BRINP3: variants seen among roughly 807,000 people sequenced by gnomAD.
BRINP3 encodes the protein BMP/retinoic acid inducible neural specific 3.
BRINP3 carries 19 observed loss-of-function variants against 71.0 expected under a neutral mutation model. The ratio of observed to expected loss-of-function variants is 0.27; its 90% CI spans 0.19 to 0.39. The LOEUF is 0.39. Among genes scored for constraint, BRINP3 ranks in the 10% least tolerant of loss-of-function variants. The pLI is 1.00. For missense variants in BRINP3, 959 were observed against 940.8 expected (o/e 1.02, Z -0.25); for synonymous variants, 380 against 337.7 (o/e 1.13, Z -1.37).
intron 2 of BRINP3, among the ~76,000 whole-genome samples, chr1:190,322,630 A>G (rs1666320414): frequency 6.6e-6 from 1 of 152,052 alleles, no homozygotes; most frequent in African/African-American, 2.4e-5. Flanking sequence ...AGGACCAGAA[A>G]TGGTTTGACA....
chr1:190,471,005 G>GGCTTATAAAGTAA, intron 1 of BRINP3, among the ~76,000 whole-genome samples: 1 of 150,920 alleles, frequency 6.6e-6, no homozygotes, highest in Non-Finnish European at 1.5e-5. Context: ...GTGGATTAAA[G>GGCTTATAAAGTAA]GCTTATAAAG....
At chr1:190,298,474 TTC>T (rs1479532012) in intron 2 of BRINP3, among the ~76,000 whole-genome samples, 1 of 152,102 alleles carries the variant, frequency 6.6e-6, no homozygotes, top group Non-Finnish European at 1.5e-5. Flanking sequence ...TGCTATACAT[TTC>T]TCTCTCAGCA....
chr1:190,333,488 A>T (rs1447917974), intron 2 of BRINP3, among the ~76,000 whole-genome samples: 1 of 152,010 alleles, frequency 6.6e-6, no homozygotes, highest in Admixed American at 6.6e-5. Context: ...CATCTTAATA[A>T]CATCAAACTA....
chr1:190,308,359 ATTG>A (rs767439584), intron 2 of BRINP3, among the ~76,000 whole-genome samples: 57 of 151,888 alleles, frequency 3.8e-4, no homozygotes, highest in African/African-American at 1.4e-3. Flanking sequence ...TTGTGTAAGT[ATTG>A]TTGTTCTTGC....
chr1:190,137,756 A>G (rs1395452220), intron 7 of BRINP3, among the ~76,000 whole-genome samples: 3 of 152,182 alleles, frequency 2.0e-5, no homozygotes, highest in Non-Finnish European at 4.4e-5. Flanking sequence ...TAAAGAGTGG[A>G]TGATATTAGA....
chr1:190,209,054 T>C (rs1655760667), intron 6 of BRINP3, among the ~76,000 whole-genome samples: 1 of 152,138 alleles, frequency 6.6e-6, no homozygotes, highest in Admixed American at 6.6e-5. Context: ...GAAAATACAG[T>C]AAATATTTAC....
intron 7 of BRINP3, among the ~76,000 whole-genome samples, chr1:190,102,123 T>C (rs1651757209): frequency 6.6e-6 from 1 of 152,144 alleles, no homozygotes; most frequent in East Asian, 1.9e-4. Flanking sequence ...TGCTACATTC[T>C]ACAAGGAGGA....
intron 6 of BRINP3, among the ~76,000 whole-genome samples, chr1:190,200,471 C>T (rs886125224): frequency 6.6e-6 from 1 of 152,058 alleles, no homozygotes; most frequent in African/African-American, 2.4e-5. Context: ...GTCAAAGAAC[C>T]TCACTAGGAA....
chr1:190,405,467 AAAAAAAAAAAAAAAAAAAAAAAAAAC>A (rs1378727239), intron 2 of BRINP3, among the ~76,000 whole-genome samples: 1,342 of 97,828 alleles, frequency 0.014, 65 homozygotes, highest in African/African-American at 0.053. Context: ...AAAAAAAAAA[AAAAAAAAAAAAAAAAAAAAAAAAAAC>A]CAGAATCAGA....
chr1:190,447,529 C>T (rs1019125298), intron 2 of BRINP3, among the ~76,000 whole-genome samples: 11 of 146,266 alleles, frequency 7.5e-5, no homozygotes, highest in African/African-American at 2.5e-4. Flanking sequence ...CACTTTTGCA[C>T]TATATATATA....
At chr1:190,451,552 G>A (rs1675608151) in intron 2 of BRINP3, among the ~76,000 whole-genome samples, 1 of 151,520 alleles carries the variant, frequency 6.6e-6, no homozygotes, top group African/African-American at 2.4e-5. Context: ...CTCACTTTCT[G>A]AAACTAAAAA....
chr1:190,433,989 A>C (rs1674281239), intron 2 of BRINP3, among the ~76,000 whole-genome samples: 1 of 152,164 alleles, frequency 6.6e-6, no homozygotes, highest in Non-Finnish European at 1.5e-5. Flanking sequence ...TTTGGTTAAA[A>C]ATTATAACTA....
At chr1:190,406,789 T>C (rs1436305914) in intron 2 of BRINP3, among the ~76,000 whole-genome samples, 1 of 151,898 alleles carries the variant, frequency 6.6e-6, no homozygotes, top group African/African-American at 2.4e-5. Flanking sequence ...GAATTTCAAA[T>C]AAATAATTAT....
chr1:190,147,886 C>T (rs1309673071), intron 7 of BRINP3, among the ~76,000 whole-genome samples: 1 of 152,120 alleles, frequency 6.6e-6, no homozygotes, highest in Non-Finnish European at 1.5e-5. Flanking sequence ...AGGTTACTTC[C>T]ATCTAGAAAT....
chr1:190,121,566 C>G (rs986725821), intron 7 of BRINP3, among the ~76,000 whole-genome samples: 4 of 151,996 alleles, frequency 2.6e-5, no homozygotes, highest in Non-Finnish European at 5.9e-5. Context: ...AATATTATTA[C>G]CTTGGTTCTC....
chr1:190,473,789 C>A, intron 1 of BRINP3, among the ~76,000 whole-genome samples: 1 of 112,244 alleles, frequency 8.9e-6, no homozygotes, highest in Admixed American at 9.0e-5. Flanking sequence ...TTTTTTTTTT[C>A]AGTTTTCCAA....
intron 4 of BRINP3, among the ~76,000 whole-genome samples, chr1:190,246,867 C>A (rs1659660846): frequency 6.6e-6 from 1 of 151,858 alleles, no homozygotes; most frequent in African/African-American, 2.4e-5. Flanking sequence ...AGTGAAGAAA[C>A]CAGATAAGCA....
intron 7 of BRINP3, among the ~76,000 whole-genome samples, chr1:190,146,830 A>T (rs1279698191): frequency 1.3e-5 from 2 of 152,150 alleles, no homozygotes; most frequent in East Asian, 3.9e-4. Flanking sequence ...TTCAATTAAT[A>T]TTGTATTAAA....
At chr1:190,295,161 T>G (rs1476443849) in intron 2 of BRINP3, among the ~76,000 whole-genome samples, 1 of 152,068 alleles carries the variant, frequency 6.6e-6, no homozygotes, top group Admixed American at 6.6e-5. Flanking sequence ...ATTCAAGGCC[T>G]GAGGCTACGT....
Sources: allele counts gnomAD v4.1 joint callset (sites outside exome capture counted in the v4.1 genomes callset), GRCh38; gene constraint gnomAD v4.1.1; transcripts MANE v1.5; gene names NCBI Gene and HGNC (gene_info 2026-07-23, HGNC 2026-07-21).